The following EML4 variants were observed in gnomAD, a reference collection of about 807,000 sequenced individuals.
The protein encoded by EML4 is echinoderm microtubule-associated protein-like 4.
Under a neutral mutation model 129.0 loss-of-function variants are expected in EML4, and 72 were observed. The ratio of observed to expected loss-of-function variants is 0.56; its 90% CI spans 0.46 to 0.68. EML4 has a LOEUF of 0.68. EML4 is among the 30% of genes least tolerant of loss of function. The pLI is 0.00. For synonymous variants in EML4, 532 were observed against 405.0 expected (o/e 1.31, Z -3.77); for missense variants, 1,363 against 1,190.6 (o/e 1.14, Z -2.13).
At chr2:42,173,206 C>G (rs1670377711) in intron 1 of EML4, among the ~76,000 whole-genome samples, 2 of 152,140 alleles carry the variant, frequency 1.3e-5, no homozygotes, top group South Asian at 4.1e-4. Flanking sequence ...AATAGTCTTG[C>G]TTTCTTAAAG....
chr2:42,191,786 G>T (rs771119911), intron 1 of EML4, among the ~76,000 whole-genome samples: 2 of 152,080 alleles, frequency 1.3e-5, no homozygotes, highest in Non-Finnish European at 2.9e-5. Flanking sequence ...TTTGCCGGGC[G>T]TGGTGGCTCA....
chr2:42,174,455 T>C (rs1257805312), intron 1 of EML4, among the ~76,000 whole-genome samples: 6 of 152,182 alleles, frequency 3.9e-5, no homozygotes, highest in African/African-American at 1.4e-4. Flanking sequence ...CACACCTGGC[T>C]AATTTTTGTA....
At chr2:42,307,174 G>T (rs6544540) in intron 17 of EML4, among the ~76,000 whole-genome samples, 1 of 151,932 alleles carries the variant, frequency 6.6e-6, no homozygotes, top group South Asian at 2.1e-4. Context: ...AGACATACAC[G>T]GCCCCAATTT....
At chr2:42,263,147 T>C (rs767741679) in intron 4 of EML4, 31 bp from the exon 5 acceptor site, 1 of 1,588,884 alleles carries the variant, frequency 6.3e-7, no homozygotes, top group Admixed American at 1.8e-5. Flanking sequence ...ATACTCAGAA[T>C]TTTTCTCTAA....
At chr2:42,190,445 A>G (rs1671519852) in intron 1 of EML4, among the ~76,000 whole-genome samples, 1 of 152,182 alleles carries the variant, frequency 6.6e-6, no homozygotes, top group African/African-American at 2.4e-5. Flanking sequence ...GGACGAAGAA[A>G]ACCAATGAAT....
At chr2:42,277,758 G>A (rs920281149) in intron 6 of EML4, among the ~76,000 whole-genome samples, 1 of 151,994 alleles carries the variant, frequency 6.6e-6, no homozygotes, top group Non-Finnish European at 1.5e-5. Context: ...TAGTAGAGAC[G>A]GGGTTTCACC....
chr2:42,290,415 A>G (rs1436535859), intron 11 of EML4, among the ~76,000 whole-genome samples: 1 of 152,178 alleles, frequency 6.6e-6, no homozygotes, highest in Non-Finnish European at 1.5e-5. Context: ...ATGAAAAAAA[A>G]TAAAAAATTA....
At chr2:42,179,295 A>G (rs1334111787) in intron 1 of EML4, among the ~76,000 whole-genome samples, 3 of 151,554 alleles carry the variant, frequency 2.0e-5, no homozygotes, top group South Asian at 2.1e-4. Flanking sequence ...TATAAAGACA[A>G]AGTCTGTGGA....
intron 3 of EML4, among the ~76,000 whole-genome samples, chr2:42,258,400 T>C (rs957223031): frequency 1.3e-5 from 2 of 151,400 alleles, no homozygotes; most frequent in Non-Finnish European, 1.5e-5. Context: ...TTTTAAGATA[T>C]ATATATATAT....
intron 6 of EML4, among the ~76,000 whole-genome samples, chr2:42,273,972 T>C (rs762936133): frequency 2.8e-4 from 43 of 152,194 alleles, no homozygotes; most frequent in Non-Finnish European, 4.1e-4. Flanking sequence ...TTGAAGTCTT[T>C]TGTTTGGATA....
At chr2:42,263,398 C>CTTTTT (rs67401314) in intron 5 of EML4, 92 bp downstream of exon 5, 98 of 240,782 alleles carry the variant, frequency 4.1e-4, no homozygotes, top group African/African-American at 9.4e-4. Flanking sequence ...TGGTTTGAAT[C>CTTTTT]TTTTTTTTTT....
chr2:42,310,194 T>C (rs1009258274), intron 17 of EML4, among the ~76,000 whole-genome samples: 4 of 152,220 alleles, frequency 2.6e-5, no homozygotes, highest in Non-Finnish European at 4.4e-5. Flanking sequence ...AATATGTATA[T>C]ATATCTGTGC....
intron 14 of EML4, among the ~76,000 whole-genome samples, chr2:42,301,926 T>C (rs1209861976): frequency 6.6e-6 from 1 of 152,162 alleles, no homozygotes; most frequent in Non-Finnish European, 1.5e-5. Context: ...TACAATCTAG[T>C]TCACTCCTTC....
At chr2:42,249,746 A>AT (rs1373169115) in intron 2 of EML4, among the ~76,000 whole-genome samples, 1 of 152,038 alleles carries the variant, frequency 6.6e-6, no homozygotes, top group African/African-American at 2.4e-5. Flanking sequence ...GCTAAGCCCC[A>AT]TTTTTTTCTT....
At chr2:42,219,052 G>A (rs1275206944) in intron 1 of EML4, among the ~76,000 whole-genome samples, 1 of 152,188 alleles carries the variant, frequency 6.6e-6, no homozygotes, top group East Asian at 1.9e-4. Context: ...ACATTTGCTT[G>A]TTTCATCAGT....
intron 1 of EML4, among the ~76,000 whole-genome samples, chr2:42,193,693 C>G (rs1264860481): frequency 6.8e-6 from 1 of 146,060 alleles, no homozygotes; most frequent in Non-Finnish European, 1.5e-5. Flanking sequence ...TTTTTTTTTC[C>G]TTTTCTTAAT....
chr2:42,173,196 A>G (rs951523863), intron 1 of EML4, among the ~76,000 whole-genome samples: 2 of 152,242 alleles, frequency 1.3e-5, no homozygotes, highest in African/African-American at 4.8e-5. Context: ...CATCACAGAT[A>G]ATAGTCTTGC....
At chr2:42,281,014 C>T (rs1378261961) in intron 7 of EML4, 41 bp downstream of exon 7, 2 of 1,478,258 alleles carry the variant, frequency 1.4e-6, no homozygotes, top group South Asian at 1.3e-5. Flanking sequence ...TTTGCTTTGT[C>T]TCTAGTTAAC....
intron 6 of EML4, 107 bp downstream of exon 6, chr2:42,264,838 CAAAG>C: frequency 6.9e-7 from 1 of 1,443,586 alleles, no homozygotes. Context: ...TCATAGTAAT[CAAAG>C]AAAAGTGCGT....
Sources: gnomAD v4.1 joint callset for allele counts (sites outside exome capture counted in the v4.1 genomes callset) on GRCh38, gnomAD v4.1.1 for gene constraint, MANE v1.5 for transcripts, NCBI Gene and HGNC (gene_info 2026-07-23, HGNC 2026-07-21) for gene names.